ACVR1C: variants seen among roughly 807,000 people sequenced by gnomAD.
The protein encoded by ACVR1C is activin A receptor type 1C, also known as activin receptor type-1C.
A neutral mutation model predicts 57.9 loss-of-function variants in ACVR1C; 23 were observed. That is an observed-to-expected ratio of 0.40 (90% CI 0.29 to 0.56). The LOEUF (loss-of-function observed/expected upper bound fraction) is 0.56. Among genes scored for constraint, ACVR1C ranks in the 20% least tolerant of loss-of-function variants. ACVR1C has a pLI of 0.50. For synonymous variants in ACVR1C, 214 were observed against 215.3 expected, an observed-to-expected ratio of 0.99 and a Z score of 0.05; for missense variants, 480 against 607.9, an observed-to-expected ratio of 0.79 and a Z score of 2.21.
chr2:157,588,848 C>CATATATATAGATATAT (rs1553484219), intron 1 of ACVR1C, among the ~76,000 whole-genome samples: 1 of 89,094 alleles, frequency 1.1e-5, no homozygotes, highest in African/African-American at 3.9e-5. Context: ...ACAAACACAC[C>CATATATATAGATATAT]ATATATATAT....
intron 3 of ACVR1C, among the ~76,000 whole-genome samples, chr2:157,554,262 A>AGAAAGAAAGAAAGAAAGAAG (rs1688017287): frequency 7.1e-6 from 1 of 141,012 alleles, no homozygotes; most frequent in South Asian, 2.2e-4. Flanking sequence ...AAAGAAAGAA[A>AGAAAGAAAGAAAGAAAGAAG]GAAAGAAAGG....
intron 1 of ACVR1C, among the ~76,000 whole-genome samples, chr2:157,621,082 T>C (rs1439971088): frequency 1.3e-5 from 2 of 152,162 alleles, no homozygotes; most frequent in African/African-American, 4.8e-5. Flanking sequence ...CATTGGCAAA[T>C]TTAAATTGTT....
intron 1 of ACVR1C, among the ~76,000 whole-genome samples, chr2:157,588,189 A>C (rs1188207727): frequency 6.6e-6 from 1 of 151,682 alleles, no homozygotes; most frequent in Non-Finnish European, 1.5e-5. Flanking sequence ...ACACTTTGTT[A>C]AACTAATCTG....
intron 1 of ACVR1C, among the ~76,000 whole-genome samples, chr2:157,609,593 T>C (rs1682486112): frequency 1.3e-5 from 2 of 152,044 alleles, no homozygotes; most frequent in African/African-American, 2.4e-5. Context: ...ATTATTGTAT[T>C]GCAGTCTTGC....
chr2:157,597,562 C>G lies in ACVR1C; in HGVS notation c.74-10145G>C, dbSNP rs1304373566. 22 of 985,352 alleles carry G rather than the reference C, an allele frequency of 2.2e-5. No homozygotes were observed. The Admixed American group carries it at 1.4e-3, about 61-fold the overall frequency. 61.0% of individuals were successfully genotyped at this position (985,352 alleles called of 1,614,324 possible). On this transcript the variant is annotated intron_variant, in intron 1 of 8. Transcript: ENST00000243349. ...CCACCTGCCCGACGGCAGCGCAACC[C>G]CCAGGAGACGTTCTCCGACGGCTTC... is the stretch of plus-strand genomic sequence containing the variant.
At chr2:157,547,735 T>G (rs904541186) in intron 4 of ACVR1C, among the ~76,000 whole-genome samples, 8 of 150,298 alleles carry the variant, frequency 5.3e-5, no homozygotes, top group Non-Finnish European at 1.2e-4. Context: ...GTCAGATGAG[T>G]AGGCTGCGAA....
At chr2:157,576,942 C>G (rs1345720231) in intron 2 of ACVR1C, among the ~76,000 whole-genome samples, 1 of 56,756 alleles carries the variant, frequency 1.8e-5, no homozygotes, top group Non-Finnish European at 3.8e-5. Context: ...GCAAGCTCCG[C>G]TTCCCGGGTT....
chr2:157,532,746 C>T lies in ACVR1C; in HGVS notation c.*1172G>A, dbSNP rs898131876. 2.6e-5 allele frequency: 4 copies of T among 152,014 alleles called. No homozygotes were observed. The highest frequency in any genetic ancestry group is 5.9e-5 in the Non-Finnish European group (4 of 67,972). The allele number at this position is 152,014 out of a possible 1,614,324, so 9.4% of individuals were successfully genotyped here. On this transcript the variant is annotated 3_prime_UTR_variant, in exon 9 of 9. Transcript: ENST00000243349. Reference sequence around the variant, plus strand: ...AATATCTATTTGCTGTTTCTGATACCGTCTGTAGGGTTTGGTTGTTAACAC... The same window carrying T: ...AATATCTATTTGCTGTTTCTGATACTGTCTGTAGGGTTTGGTTGTTAACAC...
intron 2 of ACVR1C, among the ~76,000 whole-genome samples, chr2:157,573,711 C>G (rs1040265135): frequency 5.3e-5 from 8 of 152,094 alleles, no homozygotes; most frequent in African/African-American, 1.9e-4. Flanking sequence ...TATTAAGGTG[C>G]TCTTGGTGCT....
chr2:157,584,147 A>T (rs1161498665), intron 2 of ACVR1C, among the ~76,000 whole-genome samples: 2 of 151,798 alleles, frequency 1.3e-5, no homozygotes, highest in South Asian at 2.1e-4. Context: ...TATATAAAGA[A>T]CTCTTCCAAT....
chr2:157,622,596 A>G (rs1332751116), intron 1 of ACVR1C, among the ~76,000 whole-genome samples: 1 of 152,184 alleles, frequency 6.6e-6, no homozygotes, highest in Admixed American at 6.5e-5. Flanking sequence ...CCTATCTCTT[A>G]CTATATACAA....
chr2:157,605,245 T>C (rs1002573327), intron 1 of ACVR1C, among the ~76,000 whole-genome samples: 6 of 151,770 alleles, frequency 4.0e-5, no homozygotes, highest in Non-Finnish European at 7.4e-5. Flanking sequence ...TGTTGATCAA[T>C]GTGCCTCTCC....
intron 2 of ACVR1C, among the ~76,000 whole-genome samples, chr2:157,576,543 C>T (rs1457834064): frequency 6.6e-6 from 1 of 152,088 alleles, no homozygotes; most frequent in Non-Finnish European, 1.5e-5. Flanking sequence ...ATAAGTCTAT[C>T]ATTGTGCTTG....
intron 1 of ACVR1C, among the ~76,000 whole-genome samples, chr2:157,621,099 AAAT>A (rs757028573): frequency 1.4e-4 from 22 of 152,304 alleles, no homozygotes; most frequent in Admixed American, 3.9e-4. Flanking sequence ...TGTTTTAAAA[AAAT>A]AATAATAAGC....
At chr2:157,579,302 T>A (rs550963382) in intron 2 of ACVR1C, among the ~76,000 whole-genome samples, 46 of 152,306 alleles carry the variant, frequency 3.0e-4, no homozygotes, top group African/African-American at 1.1e-3. Context: ...CATCCTCTCT[T>A]CCATATATTC....
At position 157,561,520 on chromosome 2, in the gene ACVR1C, G is replaced by C. The variant is rs1438642593; in HGVS notation, c.305-5188C>G. Among the ~76,000 whole-genome samples, 3 of 152,144 alleles carry C rather than the reference G, an allele frequency of 2.0e-5. No homozygotes were observed. In the East Asian group the frequency reaches 5.8e-4, roughly 29 times the overall value. ...ACACACTCCTGTGAATTCAATTAAAGAGTCTTTATTTACTTCACAGGTTTC... is the reference window on the plus strand; with the variant it reads ...ACACACTCCTGTGAATTCAATTAAACAGTCTTTATTTACTTCACAGGTTTC... On this transcript the variant is annotated intron_variant, in intron 2 of 8. Coordinates refer to ENST00000243349, the MANE Select transcript of ACVR1C (RefSeq NM_145259.3).
chr2:157,627,539 A>T (rs563541821), intron 1 of ACVR1C, among the ~76,000 whole-genome samples: 1 of 152,218 alleles, frequency 6.6e-6, no homozygotes, highest in Non-Finnish European at 1.5e-5. Flanking sequence ...TATCATTCAA[A>T]TCATTCTCTT....
At chr2:157,602,669 T>C (rs1682305065) in intron 1 of ACVR1C, among the ~76,000 whole-genome samples, 1 of 152,182 alleles carries the variant, frequency 6.6e-6, no homozygotes, top group African/African-American at 2.4e-5. Flanking sequence ...TCCTCCTTTT[T>C]AGTAATATTT....
At chr2:157,594,928 C>T (rs912631516) in intron 1 of ACVR1C, among the ~76,000 whole-genome samples, 9 of 152,138 alleles carry the variant, frequency 5.9e-5, no homozygotes, top group Admixed American at 2.6e-4. Flanking sequence ...GGAAAGGACA[C>T]GTATGATGGC....
Sources: gnomAD v4.1 joint callset for allele counts (sites outside exome capture counted in the v4.1 genomes callset) on GRCh38, gnomAD v4.1.1 for gene constraint, MANE v1.5 for transcripts, NCBI Gene and HGNC (gene_info 2026-07-23, HGNC 2026-07-21) for gene names.